VAC14: variants seen among roughly 807,000 people sequenced by gnomAD.
The protein encoded by VAC14 is protein VAC14 homolog.
A neutral mutation model predicts 85.3 loss-of-function variants in VAC14; 47 were observed. The observed-to-expected ratio is 0.55, with a 90% CI of 0.44 to 0.70. The LOEUF (loss-of-function observed/expected upper bound fraction) is 0.70. Ranked by LOEUF, VAC14 falls within the 30% of genes least tolerant of loss-of-function variation. VAC14 has a pLI of 0.00. For synonymous variants in VAC14, 447 were observed against 430.5 expected (o/e 1.04, Z -0.47); for missense variants, 861 against 1,004.3 (o/e 0.86, Z 1.93).
chr16:70,723,877 T>A (rs1377470625), intron 14 of VAC14, among the ~76,000 whole-genome samples: 1 of 152,198 alleles, frequency 6.6e-6, no homozygotes, highest in Non-Finnish European at 1.5e-5. Flanking sequence ...TTCCCACCAA[T>A]CTGCTGCCAG....
chr16:70,736,220 C>T (rs1279372298), intron 13 of VAC14, among the ~76,000 whole-genome samples: 1 of 152,160 alleles, frequency 6.6e-6, no homozygotes, highest in Non-Finnish European at 1.5e-5. Flanking sequence ...AGTAAGAGCC[C>T]CTATTAAATG....
intron 14 of VAC14, among the ~76,000 whole-genome samples, chr16:70,703,146 C>T (rs1273990183): frequency 6.6e-6 from 1 of 152,246 alleles, no homozygotes; most frequent in Non-Finnish European, 1.5e-5. Flanking sequence ...GCTGCATCAT[C>T]ACTTCTTTGC....
intron 1 of VAC14, among the ~76,000 whole-genome samples, chr16:70,788,651 C>A (rs562628730): frequency 2.7e-4 from 41 of 152,360 alleles, no homozygotes; most frequent in Non-Finnish European, 4.9e-4. Context: ...ACAGACACAG[C>A]CCCTTGCCAA....
intron 3 of VAC14, among the ~76,000 whole-genome samples, chr16:70,785,273 G>A (rs1174315760): frequency 4.6e-5 from 7 of 152,296 alleles, no homozygotes; most frequent in Admixed American, 2.0e-4. Flanking sequence ...GCTGCTCCGC[G>A]CCTGGGAAGG....
chr16:70,761,016 T>TGTGTGTGC lies in VAC14; in HGVS notation c.1371+1523_1371+1524insGCACACAC, dbSNP rs1413571677. ...GTGTGTGTGTGTGTGTGTGTGTGTG[T>TGTGTGTGC]GTGCATGGGGGGGCGGGGGGTAGGC... On this transcript the variant is annotated intron_variant, in intron 12 of 18. Transcript: ENST00000261776. The TGTGTGTGC allele has an allele frequency of 1.3e-4, 40 of 300,900 alleles. 4 individuals are homozygous for TGTGTGTGC. In the African/African-American group the frequency reaches 1.6e-3, roughly 12 times the overall value. 18.6% of individuals were successfully genotyped at this position (300,900 alleles called of 1,614,324 possible). A position where few individuals can be genotyped will look rare whatever the true frequency, so the allele number is the denominator to read the frequency against.
At chr16:70,755,622 T>C (rs1260356644) in intron 12 of VAC14, among the ~76,000 whole-genome samples, 1 of 152,236 alleles carries the variant, frequency 6.6e-6, no homozygotes. Flanking sequence ...GCACTCAGAA[T>C]GGGGCACAAG....
intron 10 of VAC14, among the ~76,000 whole-genome samples, chr16:70,766,156 GAAAAAAA>G (rs60494478): frequency 1.3e-4 from 12 of 94,552 alleles, no homozygotes; most frequent in African/African-American, 2.1e-4. Context: ...TGTCCCAAAA[GAAAAAAA>G]AAAAAAAAAG....
intron 9 of VAC14, among the ~76,000 whole-genome samples, chr16:70,774,085 A>G (rs1019322860): frequency 6.6e-6 from 1 of 152,038 alleles, no homozygotes; most frequent in South Asian, 2.1e-4. Context: ...CCATAGTTCA[A>G]TGATCAAACC....
At chr16:70,693,994 G>C (rs1283572723) in intron 17 of VAC14, among the ~76,000 whole-genome samples, 2 of 152,232 alleles carry the variant, frequency 1.3e-5, no homozygotes, top group South Asian at 2.1e-4. Context: ...CCTAGGCCTG[G>C]CTGCCCAGCA....
At chr16:70,721,794 G>A (rs567169079) in intron 14 of VAC14, among the ~76,000 whole-genome samples, 63 of 152,272 alleles carry the variant, frequency 4.1e-4, no homozygotes, top group African/African-American at 1.3e-3. Flanking sequence ...CTGCAGACAG[G>A]GTTAGGTGAA....
At chr16:70,787,301 G>A (rs1434945771) in intron 1 of VAC14, among the ~76,000 whole-genome samples, 1 of 152,204 alleles carries the variant, frequency 6.6e-6, no homozygotes, top group African/African-American at 2.4e-5. Flanking sequence ...AGCAGGGACT[G>A]TTTCTAGAAT....
At position 70,744,388 on chromosome 16, in the gene VAC14, GC is replaced by G. The variant is rs764781411; in HGVS notation, c.1528+34del. 3 of 1,613,244 alleles carry G rather than the reference GC, an allele frequency of 1.9e-6. No homozygotes were observed. The East Asian group carries it at 6.7e-5, about 36-fold the overall frequency. On this transcript the variant is annotated intron_variant, in intron 13 of 18. Transcript: ENST00000261776. Reference sequence around the variant, plus strand: ...CCTAAGACCCGGCACTGGCACTAAGGCCCCTGAGGCTAGAACCTTCAGGAGA... The same window carrying G: ...CCTAAGACCCGGCACTGGCACTAAGGCCCTGAGGCTAGAACCTTCAGGAGA...
chr16:70,779,701 C>A (rs949117469), intron 9 of VAC14, among the ~76,000 whole-genome samples: 4 of 152,142 alleles, frequency 2.6e-5, no homozygotes, highest in Non-Finnish European at 5.9e-5. Context: ...GCTGCTTCGG[C>A]AAAGGAGGAC....
chr16:70,690,883 C>A (rs2053583807), intron 18 of VAC14: 2 of 985,396 alleles, frequency 2.0e-6, no homozygotes, highest in Admixed American at 6.1e-5. Context: ...GGGTCCAGGG[C>A]ATTGAAGGCT....
intron 14 of VAC14, among the ~76,000 whole-genome samples, chr16:70,713,141 T>C (rs2054072383): frequency 6.6e-6 from 1 of 152,034 alleles, no homozygotes; most frequent in African/African-American, 2.4e-5. Context: ...ATTAGCATAA[T>C]ACAAGCACGA....
chr16:70,710,738 C>T (rs903797513), intron 14 of VAC14, among the ~76,000 whole-genome samples: 5 of 152,256 alleles, frequency 3.3e-5, no homozygotes, highest in Admixed American at 3.3e-4. Flanking sequence ...CTCGGCCCCT[C>T]TGGCCTTGAA....
At chr16:70,746,144 C>T (rs1177489361) in intron 12 of VAC14, among the ~76,000 whole-genome samples, 3 of 152,314 alleles carry the variant, frequency 2.0e-5, no homozygotes, top group Non-Finnish European at 4.4e-5. Flanking sequence ...CCCCACACTG[C>T]CCAATTGTCA....
At chr16:70,743,504 G>C (rs1001384053) in intron 13 of VAC14, among the ~76,000 whole-genome samples, 1 of 152,192 alleles carries the variant, frequency 6.6e-6, no homozygotes, top group Non-Finnish European at 1.5e-5. Context: ...TTGCCGCAAA[G>C]GTCCGTGGCT....
intron 14 of VAC14, among the ~76,000 whole-genome samples, chr16:70,730,040 C>T (rs917286742): frequency 1.3e-5 from 2 of 151,988 alleles, no homozygotes; most frequent in Non-Finnish European, 2.9e-5. Flanking sequence ...ACCATCCACC[C>T]GCTGCCCAAA....
Sources: gnomAD v4.1 joint callset for allele counts (sites outside exome capture counted in the v4.1 genomes callset) on GRCh38, gnomAD v4.1.1 for gene constraint, MANE v1.5 for transcripts, NCBI Gene and HGNC (gene_info 2026-07-23, HGNC 2026-07-21) for gene names.